GRIP1: variants seen among roughly 807,000 people sequenced by gnomAD.
GRIP1 encodes the protein glutamate receptor interacting protein 1.
Under a neutral mutation model 129.9 loss-of-function variants are expected in GRIP1, and 45 were observed. The observed-to-expected ratio is 0.35, with a 90% CI of 0.27 to 0.44. The LOEUF (loss-of-function observed/expected upper bound fraction) is 0.44, where lower values mean the gene tolerates loss of function less well. Among genes scored for constraint, GRIP1 ranks in the 20% least tolerant of loss-of-function variants. The pLI, the probability that GRIP1 is intolerant of heterozygous loss-of-function variation, is 1.00. For missense variants in GRIP1, 1,196 were observed against 1,396.8 expected (o/e 0.86, Z 2.29); for synonymous variants, 530 against 520.8 (o/e 1.02, Z -0.24).
At chr12:66,637,421 C>G (rs1400880937) in intron 1 of GRIP1, among the ~76,000 whole-genome samples, 1 of 151,528 alleles carries the variant, frequency 6.6e-6, no homozygotes, top group Non-Finnish European at 1.5e-5. Context: ...CATCTACATA[C>G]TACATACTCT....
rs13277 is a variant in GRIP1 at position 66,392,311 on chromosome 12, G to C, written c.2461C>G (p.Gln821Glu). Residue 821 changes from glutamine (Q) to glutamate (E), a missense_variant, in exon 19 of 25, where the codon CAA becomes GAA. Transcript: ENST00000359742. The stretch of plus-strand genomic sequence containing the variant: ...GGGGGACAAAGTAAAGACATACCTT[G>C]AGTTCCATAGCTGGTGTCTATTGCA... ...GSAIDTSYGT[Q>E]GTSFQASGYN... is the part of the protein sequence containing the mutation. The C allele has an allele frequency of 0.97, 1,543,446 of 1,587,370 alleles. 755,875 individuals carry two copies. Among genetic ancestry groups the C allele is most frequent in the Non-Finnish European group, 1 (1,154,551 of 1,155,674 alleles).
intron 13 of GRIP1, among the ~76,000 whole-genome samples, chr12:66,437,639 A>T (rs1454613301): frequency 6.6e-6 from 1 of 152,228 alleles, no homozygotes; most frequent in East Asian, 1.9e-4. Context: ...TATCCAATCA[A>T]CAAATATTAA....
At chr12:66,958,272 T>C (rs1592392527) in intron 1 of GRIP1, among the ~76,000 whole-genome samples, 1 of 152,136 alleles carries the variant, frequency 6.6e-6, no homozygotes, top group Middle Eastern at 3.2e-3. Flanking sequence ...CCTGAGTAGC[T>C]AGGAGTACAG....
At chr12:66,920,918 C>T (rs1460507331) in intron 1 of GRIP1, among the ~76,000 whole-genome samples, 2 of 152,346 alleles carry the variant, frequency 1.3e-5, no homozygotes, top group Middle Eastern at 3.4e-3. Flanking sequence ...CTCTAATGAT[C>T]TTCTGGCAAA....
intron 1 of GRIP1, among the ~76,000 whole-genome samples, chr12:66,997,755 A>G (rs762513851): frequency 2.0e-5 from 3 of 152,198 alleles, no homozygotes; most frequent in Non-Finnish European, 4.4e-5. Context: ...TAGCAGGAAA[A>G]TAATTGTGAG....
chr12:66,980,522 A>G (rs1240409318), intron 1 of GRIP1, among the ~76,000 whole-genome samples: 4 of 152,136 alleles, frequency 2.6e-5, no homozygotes, highest in African/African-American at 7.2e-5. Context: ...GAGGCAGGAG[A>G]ATCGCTTGAA....
chr12:66,648,431 A>G (rs2032540089), intron 1 of GRIP1, among the ~76,000 whole-genome samples: 2 of 152,198 alleles, frequency 1.3e-5, no homozygotes, highest in South Asian at 4.1e-4. Context: ...TAAGGAATGG[A>G]TGGGTATTTG....
At chr12:66,848,186 A>G (rs1566049635) in intron 1 of GRIP1, among the ~76,000 whole-genome samples, 1 of 151,706 alleles carries the variant, frequency 6.6e-6, no homozygotes, top group African/African-American at 2.4e-5. Context: ...ATCTTTAATC[A>G]TTTTTCCTCA....
chr12:67,011,106 T>C (rs969422898), intron 1 of GRIP1, among the ~76,000 whole-genome samples: 3 of 152,158 alleles, frequency 2.0e-5, no homozygotes, highest in African/African-American at 2.4e-5. Context: ...TTCTTGACAT[T>C]TGTACTTAGC....
chr12:67,062,349 C>T (rs2043550683), intron 1 of GRIP1, among the ~76,000 whole-genome samples: 1 of 152,210 alleles, frequency 6.6e-6, no homozygotes, highest in African/African-American at 2.4e-5. Flanking sequence ...ACTCCATCCC[C>T]TTTAAGAAAC....
intron 1 of GRIP1, among the ~76,000 whole-genome samples, chr12:67,022,437 T>C (rs1373972049): frequency 2.0e-5 from 3 of 152,194 alleles, no homozygotes; most frequent in South Asian, 4.1e-4. Flanking sequence ...GCTTTTATTT[T>C]CCTTTTATAT....
At chr12:66,936,907 G>A (rs989872496) in intron 1 of GRIP1, among the ~76,000 whole-genome samples, 9 of 152,146 alleles carry the variant, frequency 5.9e-5, no homozygotes, top group Non-Finnish European at 1.3e-4. Flanking sequence ...CTTGACGTTG[G>A]GAAAGCCACA....
intron 1 of GRIP1, among the ~76,000 whole-genome samples, chr12:66,627,706 C>T (rs1396107776): frequency 1.3e-5 from 2 of 152,184 alleles, no homozygotes; most frequent in African/African-American, 2.4e-5. Flanking sequence ...AATCAGAACA[C>T]TGGATCCCCT....
chr12:66,685,254 T>C (rs1293564332), intron 1 of GRIP1, among the ~76,000 whole-genome samples: 1 of 152,190 alleles, frequency 6.6e-6, no homozygotes, highest in Non-Finnish European at 1.5e-5. Context: ...TGTATGAATG[T>C]CTGAGTAGTT....
rs565209660 is a variant in GRIP1 at position 66,614,663 on chromosome 12, T to G, written c.56-17736A>C. Among the ~76,000 whole-genome samples the G allele has an allele frequency of 3.3e-5, 5 of 152,252 alleles. No homozygotes were observed. In the South Asian group the frequency reaches 1.0e-3, roughly 32 times the overall value. On this transcript the variant is annotated intron_variant, in intron 1 of 24. Transcript: ENST00000359742. ...AAGAAAATCACAGTACTTCCCAGCT[T>G]AAAGTTCCCCAGGGGCTTCCATTAT...
intron 2 of GRIP1, among the ~76,000 whole-genome samples, chr12:66,560,063 TG>T (rs1431288144): frequency 3.3e-5 from 5 of 152,028 alleles, no homozygotes; most frequent in African/African-American, 9.7e-5. Context: ...GAATATACAC[TG>T]GGGAAAAGGC....
chr12:67,014,422 T>C (rs1422446726), intron 1 of GRIP1, among the ~76,000 whole-genome samples: 1 of 152,042 alleles, frequency 6.6e-6, no homozygotes, highest in Admixed American at 6.6e-5. Flanking sequence ...AAATGAAAAC[T>C]GCAGAAAACA....
chr12:66,678,290 T>C (rs2063757515), intron 1 of GRIP1, among the ~76,000 whole-genome samples: 2 of 152,166 alleles, frequency 1.3e-5, no homozygotes, highest in African/African-American at 4.8e-5. Flanking sequence ...CAAATAAACT[T>C]CTAGTATTAC....
chr12:66,687,527 G>T (rs1208763748), intron 1 of GRIP1, among the ~76,000 whole-genome samples: 1 of 151,968 alleles, frequency 6.6e-6, no homozygotes, highest in African/African-American at 2.4e-5. Flanking sequence ...GGCCCTGGAT[G>T]TAAAAAGGTG....
Sources: allele counts gnomAD v4.1 joint callset (sites outside exome capture counted in the v4.1 genomes callset), GRCh38; gene constraint gnomAD v4.1.1; transcripts MANE v1.5; gene names NCBI Gene and HGNC (gene_info 2026-07-23, HGNC 2026-07-21).